Variants in OXA1L observed in about 807,000 individuals in gnomAD.
OXA1L encodes mitochondrial inner membrane protein OXA1L.
In OXA1L, 42 loss-of-function variants were observed where a neutral mutation model predicts 52.2. The observed-to-expected ratio is 0.80, with a 90% CI of 0.63 to 1.04. The LOEUF is 1.04. Ranked by LOEUF, OXA1L falls within the 50% of genes least tolerant of loss-of-function variation. OXA1L has a pLI of 0.00. For missense variants in OXA1L, 572 were observed against 555.0 expected, an observed-to-expected ratio of 1.03 and a Z score of -0.31; for synonymous variants, 239 against 201.9, an observed-to-expected ratio of 1.18 and a Z score of -1.56.
chr14:22,766,863 G>C, intron 1 of OXA1L, 99 bp downstream of exon 1: 1 of 1,565,842 alleles, frequency 6.4e-7, no homozygotes, highest in Non-Finnish European at 8.6e-7. Flanking sequence ...ACGCTGACCT[G>C]CTCACCGGGA....
rs1331331364 is a variant in OXA1L at position 22,772,644 on chromosome 14, A to C, written c.*1086A>C. 1 of 152,272 alleles carries C rather than the reference A, an allele frequency of 6.6e-6. No individual in the cohort carries two copies. Among genetic ancestry groups the C allele is most frequent in the Non-Finnish European group, 1.5e-5 (1 of 68,148 alleles). The allele number at this position is 152,272 out of a possible 1,614,324, so 9.4% of individuals were successfully genotyped here. A position where few individuals can be genotyped will look rare whatever the true frequency, so the allele number is the denominator to read the frequency against. ...TATAGTAACCGCACTTCTTGATCCC[A>C]AGATTACTTTAAAAATTTCAAGAAG... On this transcript the variant is annotated 3_prime_UTR_variant, in exon 10 of 10. Transcript: ENST00000612549.
intron 1 of OXA1L, 135 bp from the exon 2 acceptor site, chr14:22,767,113 G>A (rs570850079): frequency 4.6e-6 from 7 of 1,534,586 alleles, no homozygotes; most frequent in East Asian, 4.8e-5. Context: ...GTCTGCGCGC[G>A]GTGATAGCAA....
At position 22,767,027 on chromosome 14, in the gene OXA1L, G is replaced by T. The variant is rs1017361158; in HGVS notation, c.64-221G>T. On this transcript the variant is annotated intron_variant, in intron 1 of 9. Coordinates refer to ENST00000612549, the MANE Select transcript of OXA1L (RefSeq NM_005015.5). ...TCAGGGCCCTCCGATGTGGGTCTGC[G>T]ATAACTGAGATGCGGGGAACCCAGG... 3.9e-6 allele frequency: 6 copies of T among 1,535,788 alleles called. No individual in the cohort carries two copies. In the African/African-American group the frequency reaches 8.2e-5, roughly 21 times the overall value.
intron 5 of OXA1L, 84 bp from the exon 6 acceptor site, chr14:22,770,377 G>A (rs528393863): frequency 1.3e-6 from 2 of 1,559,432 alleles, no homozygotes; most frequent in Admixed American, 1.7e-5. Context: ...AGGTGGTGGT[G>A]GATTATACAT....
At chr14:22,769,705 C>T in intron 3 of OXA1L, 86 bp from the exon 4 acceptor site, 1 of 1,389,150 alleles carries the variant, frequency 7.2e-7, no homozygotes, top group Non-Finnish European at 1.0e-6. Flanking sequence ...AAGAATAAGA[C>T]CCTTTCAGTA....
Position 22,771,364 on chromosome 14 carries a change from A to G in OXA1L, c.1183+16A>G, listed in dbSNP as rs2038460551. The G allele has an allele frequency of 1.2e-6, 2 of 1,613,920 alleles. No individual in the cohort carries two copies. Among genetic ancestry groups the G allele is most frequent in the Non-Finnish European group, 8.5e-7 (1 of 1,179,756 alleles). On this transcript the variant is annotated intron_variant, in intron 9 of 9. Transcript: ENST00000612549. ...GCAGCCAGGGGTAAATAGTCCTTTC[A>G]GGCCAAATTCTGTCTTTTGTTTCTT...
chr14:22,768,474 A>G, intron 3 of OXA1L: 1 of 363,714 alleles, frequency 2.7e-6, no homozygotes, highest in African/African-American at 2.0e-5. Context: ...GGTTCAGGTC[A>G]GGCACTTAAA....
In OXA1L at chr14:22,772,216, G is replaced by T. The variant is rs1461390588; in HGVS notation, c.*658G>T. On this transcript the variant is annotated 3_prime_UTR_variant, in exon 10 of 10. Coordinates refer to ENST00000612549, the MANE Select transcript of OXA1L (RefSeq NM_005015.5). Reference sequence around the variant, plus strand: ...TTTAAACTTCCACCCAGGCGCAGTGGCTCACGCCAGTAATCCCAGCACTTT... The same window carrying T: ...TTTAAACTTCCACCCAGGCGCAGTGTCTCACGCCAGTAATCCCAGCACTTT... 1.4e-5 allele frequency: 2 copies of T among 145,880 alleles called. No individual in the cohort carries two copies. Among genetic ancestry groups the T allele is most frequent in the Non-Finnish European group, 3.0e-5 (2 of 65,756 alleles). The allele number at this position is 145,880 out of a possible 1,614,324, so 9.0% of individuals were successfully genotyped here. A position where few individuals can be genotyped will look rare whatever the true frequency, so the allele number is the denominator to read the frequency against.
At position 22,767,089 on chromosome 14, in the gene OXA1L, C is replaced by T. The variant is rs547689623; in HGVS notation, c.64-159C>T. 3 of 1,535,990 alleles carry T rather than the reference C, an allele frequency of 2.0e-6. No homozygotes were observed. In the South Asian group the frequency reaches 3.6e-5, roughly 18 times the overall value. ...CTCTGCAGGCACCACCCGCTGCATG[C>T]CTTCGGGCTAGCGGTCTGCGCGCGG... On this transcript the variant is annotated intron_variant, in intron 1 of 9. Coordinates refer to ENST00000612549, the MANE Select transcript of OXA1L (RefSeq NM_005015.5).
chr14:22,770,948 C>T, intron 7 of OXA1L, 39 bp downstream of exon 7: 1 of 1,611,578 alleles, frequency 6.2e-7, no homozygotes, highest in South Asian at 1.1e-5. Flanking sequence ...AGGCCTTCTG[C>T]CTAGCCTAGC....
At chr14:22,769,490 C>G (rs1213806170) in intron 3 of OXA1L, among the ~76,000 whole-genome samples, 1 of 152,194 alleles carries the variant, frequency 6.6e-6, no homozygotes, top group Non-Finnish European at 1.5e-5. Context: ...TCACCTCATT[C>G]GAACTGCCAG....
rs757228955 is a variant in OXA1L, at chr14:22,770,235, A to G, written c.626A>G (p.His209Arg). ...SSEMALYQKK[H>R]GIKLYKPLIL... ...GAGATGGCACTTTACCAGAAAAAAC[A>G]TGGTATTAAACTCTATAAACCTCTC... Residue 209 changes from histidine (H) to arginine (R), a missense_variant, in exon 5 of 10, where the codon CAT becomes CGT. By Grantham distance (29) the His-to-Arg change is conservative (BLOSUM62 0). Transcript: ENST00000612549. 4 of 1,612,582 alleles carry G rather than the reference A, an allele frequency of 2.5e-6. No individual in the cohort carries two copies. In the South Asian group the frequency reaches 3.3e-5, roughly 13 times the overall value.
chr14:22,766,943 G>A (rs1175266559), intron 1 of OXA1L, 179 bp downstream of exon 1: 2 of 1,515,178 alleles, frequency 1.3e-6, no homozygotes, highest in East Asian at 2.4e-5. Context: ...GGGCCCAGCA[G>A]CCCGGTGTCA....
chr14:22,768,328 C>G (rs1319825247), intron 3 of OXA1L, 157 bp downstream of exon 3: 8 of 615,554 alleles, frequency 1.3e-5, no homozygotes, highest in Non-Finnish European at 2.3e-5. Flanking sequence ...ATGCACTCTG[C>G]CTATATTTCT....
chr14:22,768,527 A>G (rs151049155), intron 3 of OXA1L: 23 of 263,736 alleles, frequency 8.7e-5, no homozygotes, highest in African/African-American at 4.3e-4. Flanking sequence ...TGTAAAGGCT[A>G]GAACTCTGCT....
chr14:22,770,746 A>T lies in OXA1L; in HGVS notation c.835-59A>T, dbSNP rs1594939066. On this transcript the variant is annotated intron_variant, in intron 6 of 9. Transcript: ENST00000612549. ...AAAGAGTTGATGGGTAAGAGATTAG[A>T]GACAGATTCACTGAAACTGACAGCT... is the stretch of plus-strand genomic sequence containing the variant. 3.2e-6 allele frequency: 5 copies of T among 1,556,848 alleles called. No individual in the cohort carries two copies. The East Asian group carries it at 1.1e-4, about 35-fold the overall frequency.
Position 22,767,233 on chromosome 14 carries a change from C to G in OXA1L, c.64-15C>G, listed in dbSNP as rs776884640. The G allele has an allele frequency of 1.8e-5, 28 of 1,596,774 alleles. No homozygotes were observed. The highest frequency in any genetic ancestry group is 1.6e-5 in the Non-Finnish European group (19 of 1,173,088). On this transcript the variant is annotated splice_polypyrimidine_tract_variant and intron_variant, in intron 1 of 9. Transcript: ENST00000612549. ...CTCCCGGTAAAGGGGCTCCATCATC[C>G]TTTTACACGCTCAGGTCCACAGCGT...
Position 22,772,506 on chromosome 14 carries a change from A to C in OXA1L, c.*948A>C, listed in dbSNP as rs1291604913. 7.1e-6 allele frequency: 1 copy of C among 141,002 alleles called. No individual in the cohort carries two copies. The highest frequency in any genetic ancestry group is 2.7e-5 in the African/African-American group (1 of 36,982). 8.7% of individuals were successfully genotyped at this position (141,002 alleles called of 1,614,324 possible). A position where few individuals can be genotyped will look rare whatever the true frequency, so the allele number is the denominator to read the frequency against. ...TCCTTCTCAAAAAAAAAAAAAAAAAAAAAAAAAAAAAAACAGTTTAAACTT... is the reference window on the plus strand; with the variant it reads ...TCCTTCTCAAAAAAAAAAAAAAAAACAAAAAAAAAAAAACAGTTTAAACTT... On this transcript the variant is annotated 3_prime_UTR_variant, in exon 10 of 10. Coordinates refer to ENST00000612549, the MANE Select transcript of OXA1L (RefSeq NM_005015.5).
chr14:22,770,064 C>G (rs1019382007), intron 4 of OXA1L, 129 bp from the exon 5 acceptor site: 11 of 1,395,098 alleles, frequency 7.9e-6, no homozygotes, highest in Non-Finnish European at 1.1e-5. Context: ...TTATCTGTTT[C>G]TTAGACCTAA....
Sources: gnomAD v4.1 joint callset for allele counts (sites outside exome capture counted in the v4.1 genomes callset) on GRCh38, gnomAD v4.1.1 for gene constraint, MANE v1.5 for transcripts, NCBI Gene and HGNC (gene_info 2026-07-23, HGNC 2026-07-21) for gene names.